Variants in TLK1 observed in about 807,000 individuals in gnomAD.
The protein encoded by TLK1 is serine/threonine-protein kinase tousled-like 1.
A neutral mutation model predicts 105.3 loss-of-function variants in TLK1; 24 were observed. That is an observed-to-expected ratio of 0.23 (90% CI 0.17 to 0.32). The LOEUF is 0.32. TLK1 is among the 10% of genes least tolerant of loss of function. TLK1 has a pLI of 1.00. For missense variants in TLK1, 558 were observed against 910.5 expected (o/e 0.61, Z 4.98); for synonymous variants, 321 against 310.4 (o/e 1.03, Z -0.36).
intron 18 of TLK1, among the ~76,000 whole-genome samples, chr2:171,001,364 G>A (rs1684360955): frequency 6.6e-6 from 1 of 152,090 alleles, no homozygotes; most frequent in African/African-American, 2.4e-5. Flanking sequence ...GGTGGCCAGG[G>A]GCATTGTCCA....
At chr2:171,191,735 T>C (rs1034862043) in intron 1 of TLK1, among the ~76,000 whole-genome samples, 10 of 152,156 alleles carry the variant, frequency 6.6e-5, no homozygotes, top group Non-Finnish European at 7.4e-5. Flanking sequence ...ACTCCTCTTT[T>C]TGTCATTGAC....
At chr2:170,994,445 C>T (rs1683950707) in intron 20 of TLK1, among the ~76,000 whole-genome samples, 1 of 151,624 alleles carries the variant, frequency 6.6e-6, no homozygotes, top group African/African-American at 2.4e-5. Flanking sequence ...TGCATCATTA[C>T]ACTCCTGGAA....
intron 1 of TLK1, among the ~76,000 whole-genome samples, chr2:171,225,978 TG>T (rs772536494): frequency 3.3e-5 from 5 of 152,156 alleles, no homozygotes; most frequent in Non-Finnish European, 7.3e-5. Flanking sequence ...GTATTAGGTT[TG>T]TTTTTTTTTA....
intron 1 of TLK1, among the ~76,000 whole-genome samples, chr2:171,230,097 C>T (rs1575666991): frequency 6.6e-6 from 1 of 152,188 alleles, no homozygotes; most frequent in African/African-American, 2.4e-5. Flanking sequence ...TACTTATTTC[C>T]AGAGGCCCAC....
At chr2:171,018,502 T>A in intron 12 of TLK1, among the ~76,000 whole-genome samples, 1 of 152,246 alleles carries the variant, frequency 6.6e-6, no homozygotes, top group South Asian at 2.1e-4. Context: ...CAAAGATCTA[T>A]CCAGTAGGCT....
Position 171,058,633 on chromosome 2 carries a change from A to G in TLK1, c.407-436T>C, listed in dbSNP as rs536593743. Among the ~76,000 whole-genome samples, 21 of 152,274 alleles carry G rather than the reference A, an allele frequency of 1.4e-4. No homozygotes were observed. In the Middle Eastern group the frequency reaches 0.014, roughly 99 times the overall value. On this transcript the variant is annotated intron_variant, in intron 4 of 20. Transcript: ENST00000431350. ...AAAAAGCATTCCCAAATTAAATACA[A>G]TGTTTTTTAAAAACTAGATTGTAAA...
intron 2 of TLK1, among the ~76,000 whole-genome samples, chr2:171,116,161 A>G (rs1469444166): frequency 6.6e-6 from 1 of 152,228 alleles, no homozygotes; most frequent in Non-Finnish European, 1.5e-5. Flanking sequence ...CAACAAATTT[A>G]GAGAGTTCAA....
chr2:171,137,009 C>G (rs148939929), intron 1 of TLK1, among the ~76,000 whole-genome samples: 1 of 152,222 alleles, frequency 6.6e-6, no homozygotes, highest in Non-Finnish European at 1.5e-5. Context: ...AAGCACCTGT[C>G]GTAGTTGTGA....
rs191796597 is a variant in TLK1, at chr2:171,066,029, T to C, written c.331-4873A>G. On this transcript the variant is annotated intron_variant, in intron 3 of 20. Transcript: ENST00000431350. ...TTTGCTGCTTTGTATCCTATTTACA[T>C]ATAAACGTTACCATGAAATATGCAC... 4.5e-4 allele frequency among the ~76,000 whole-genome samples: 68 copies of C among 152,348 alleles called. 2 individuals carry two copies. The East Asian group carries it at 0.012, about 28-fold the overall frequency.
intron 12 of TLK1, among the ~76,000 whole-genome samples, chr2:171,021,127 T>A (rs1685480488): frequency 6.6e-6 from 1 of 152,208 alleles, no homozygotes; most frequent in Non-Finnish European, 1.5e-5. Context: ...TACCCGTAAC[T>A]TGGAATGACT....
chr2:171,169,552 G>A (rs949271580), intron 1 of TLK1, among the ~76,000 whole-genome samples: 1 of 152,132 alleles, frequency 6.6e-6, no homozygotes, highest in Non-Finnish European at 1.5e-5. Context: ...TGGAATTACA[G>A]GCATGCACCA....
At chr2:171,019,804 TC>T (rs1385661801) in intron 12 of TLK1, among the ~76,000 whole-genome samples, 1 of 152,168 alleles carries the variant, frequency 6.6e-6, no homozygotes, top group Non-Finnish European at 1.5e-5. Context: ...ACACTTATAA[TC>T]CCAGCACTTT....
chr2:171,113,008 G>T (rs186113341), intron 2 of TLK1, among the ~76,000 whole-genome samples: 4 of 151,828 alleles, frequency 2.6e-5, no homozygotes, highest in Admixed American at 1.3e-4. Flanking sequence ...CACAAAAAAA[G>T]CTATAATAGA....
chr2:171,079,509 T>C (rs1688655739), intron 3 of TLK1, among the ~76,000 whole-genome samples: 1 of 152,228 alleles, frequency 6.6e-6, no homozygotes, highest in East Asian at 1.9e-4. Flanking sequence ...TAAAAGTTAA[T>C]AGATATGCAA....
chr2:171,035,962 G>A (rs758284393), intron 11 of TLK1, among the ~76,000 whole-genome samples: 28 of 152,318 alleles, frequency 1.8e-4, no homozygotes, highest in Admixed American at 1.5e-3. Flanking sequence ...TTTCAGGTCC[G>A]TGATCGCTAA....
At chr2:171,142,055 C>A (rs1023171897) in intron 1 of TLK1, among the ~76,000 whole-genome samples, 3 of 151,660 alleles carry the variant, frequency 2.0e-5, no homozygotes, top group African/African-American at 7.3e-5. Flanking sequence ...GCTGCACTGA[C>A]CAGAAAGAGA....
chr2:171,022,608 A>G (rs1685580934), intron 12 of TLK1, among the ~76,000 whole-genome samples: 1 of 152,194 alleles, frequency 6.6e-6, no homozygotes, highest in African/African-American at 2.4e-5. Flanking sequence ...GTTGGCTTTA[A>G]TTGAGAGAAT....
chr2:171,108,983 A>C (rs143327982), intron 2 of TLK1, among the ~76,000 whole-genome samples: 17 of 152,396 alleles, frequency 1.1e-4, no homozygotes, highest in African/African-American at 3.8e-4. Flanking sequence ...TAAAATTAAC[A>C]GTAAGTAGTA....
chr2:171,074,626 CAAAAAA>C (rs372844435), intron 3 of TLK1, among the ~76,000 whole-genome samples: 1 of 89,944 alleles, frequency 1.1e-5, no homozygotes, highest in Non-Finnish European at 2.3e-5. Flanking sequence ...GACTCTGCCT[CAAAAAA>C]AAAAAAAAAA....
Sources: gnomAD v4.1 joint callset for allele counts (sites outside exome capture counted in the v4.1 genomes callset) on GRCh38, gnomAD v4.1.1 for gene constraint, MANE v1.5 for transcripts, NCBI Gene and HGNC (gene_info 2026-07-23, HGNC 2026-07-21) for gene names.